Variants in RIMS2 observed in about 807,000 individuals in gnomAD.
RIMS2 encodes regulating synaptic membrane exocytosis 2, also known as regulating synaptic membrane exocytosis protein 2.
A neutral mutation model predicts 174.4 loss-of-function variants in RIMS2; 59 were observed. The observed-to-expected ratio is 0.34, with a 90% CI of 0.27 to 0.42. The LOEUF (loss-of-function observed/expected upper bound fraction) is 0.42, where lower values mean the gene tolerates loss of function less well. Among genes scored for constraint, RIMS2 ranks in the 10% least tolerant of loss-of-function variants. The pLI, the probability that RIMS2 is intolerant of heterozygous loss-of-function variation, is 1.00. For missense variants in RIMS2, 1,620 were observed against 1,666.3 expected, an observed-to-expected ratio of 0.97 and a Z score of 0.48; for synonymous variants, 606 against 572.5, an observed-to-expected ratio of 1.06 and a Z score of -0.84.
intron 19 of RIMS2, among the ~76,000 whole-genome samples, chr8:104,194,392 C>G (rs2099013218): frequency 6.6e-6 from 1 of 151,944 alleles, no homozygotes; most frequent in Non-Finnish European, 1.5e-5. Context: ...GATTTATAAT[C>G]AATGATAATT....
At chr8:103,843,806 A>T (rs1481312621) in intron 3 of RIMS2, among the ~76,000 whole-genome samples, 1 of 152,182 alleles carries the variant, frequency 6.6e-6, no homozygotes, top group African/African-American at 2.4e-5. Flanking sequence ...AGAATCTTAT[A>T]AAAATTTATG....
intron 19 of RIMS2, among the ~76,000 whole-genome samples, chr8:104,188,242 G>A (rs1411659619): frequency 7.2e-6 from 1 of 139,854 alleles, no homozygotes; most frequent in African/African-American, 2.8e-5. Flanking sequence ...TAGATAGATA[G>A]ATAGATAGAT....
intron 15 of RIMS2, among the ~76,000 whole-genome samples, chr8:103,961,674 TTC>T (rs2090140529): frequency 6.6e-6 from 1 of 152,168 alleles, no homozygotes; most frequent in Admixed American, 6.6e-5. Context: ...TTTCTGCAAG[TTC>T]TGATGACAAT....
At chr8:103,749,197 C>T (rs2139648814) in intron 2 of RIMS2, among the ~76,000 whole-genome samples, 1 of 151,764 alleles carries the variant, frequency 6.6e-6, no homozygotes, top group East Asian at 1.9e-4. Flanking sequence ...CTGCAAGCTC[C>T]GCCTCCCAGG....
chr8:104,100,864 T>C (rs1229604663), intron 19 of RIMS2, among the ~76,000 whole-genome samples: 1 of 140,968 alleles, frequency 7.1e-6, no homozygotes, highest in Non-Finnish European at 1.5e-5. Flanking sequence ...ATGTAATATA[T>C]ATTATATATG....
chr8:103,815,899 G>A (rs1376863587), intron 3 of RIMS2, among the ~76,000 whole-genome samples: 2 of 152,070 alleles, frequency 1.3e-5, no homozygotes, highest in Non-Finnish European at 2.9e-5. Flanking sequence ...AGGTGATATA[G>A]CTTATTTTAC....
At chr8:103,521,298 A>T (rs572092125) in intron 1 of RIMS2, among the ~76,000 whole-genome samples, 32 of 152,060 alleles carry the variant, frequency 2.1e-4, no homozygotes, top group Admixed American at 7.2e-4. Flanking sequence ...TAATAAAATT[A>T]AAAAAAACCA....
intron 19 of RIMS2, among the ~76,000 whole-genome samples, chr8:104,162,279 T>C (rs1044718749): frequency 6.6e-6 from 1 of 152,164 alleles, no homozygotes; most frequent in African/African-American, 2.4e-5. Flanking sequence ...TGGGAGTCAA[T>C]GCAAATAGAA....
rs183039784 is a variant in RIMS2 at position 104,165,819 on chromosome 8, A to G, written c.3335-79097A>G. 4.1e-4 allele frequency among the ~76,000 whole-genome samples: 62 copies of G among 152,286 alleles called. 1 individual carries two copies. The highest frequency in any genetic ancestry group is 1.4e-3 in the African/African-American group (57 of 41,562). ...CACTTAGATTTTTTAAAAGTATACA[A>G]ATTTCTAAATATCCATTCAATTATG... On this transcript the variant is annotated intron_variant, in intron 19 of 23. Transcript: ENST00000504942.
At chr8:104,247,380 C>A (rs957653896) in intron 20 of RIMS2, among the ~76,000 whole-genome samples, 2 of 152,162 alleles carry the variant, frequency 1.3e-5, no homozygotes, top group African/African-American at 2.4e-5. Flanking sequence ...CTTCTCACAG[C>A]ATTTTCTCTG....
At chr8:103,601,381 T>C (rs2094729252) in intron 1 of RIMS2, among the ~76,000 whole-genome samples, 1 of 152,206 alleles carries the variant, frequency 6.6e-6, no homozygotes, top group African/African-American at 2.4e-5. Flanking sequence ...TTACAATAAT[T>C]ATATCCTGTT....
At chr8:103,676,280 C>A (rs1311256600) in intron 1 of RIMS2, among the ~76,000 whole-genome samples, 1 of 152,090 alleles carries the variant, frequency 6.6e-6, no homozygotes, top group African/African-American at 2.4e-5. Context: ...ATTTTCAAAA[C>A]AATTTAGTTC....
At chr8:103,622,570 T>C (rs1022654426) in intron 1 of RIMS2, among the ~76,000 whole-genome samples, 1 of 152,184 alleles carries the variant, frequency 6.6e-6, no homozygotes, top group Non-Finnish European at 1.5e-5. Context: ...ATATACCCTA[T>C]GATTATAGCC....
At chr8:104,148,916 T>G (rs1473822547) in intron 19 of RIMS2, 68 bp downstream of exon 25, 1 of 1,479,034 alleles carries the variant, frequency 6.8e-7, no homozygotes, top group Non-Finnish European at 9.2e-7. Flanking sequence ...TTCTTTTCTC[T>G]TACTCATTTT....
chr8:103,766,561 G>A, intron 3 of RIMS2, 24 bp downstream of exon 6: 1 of 1,508,078 alleles, frequency 6.6e-7, no homozygotes, highest in South Asian at 1.2e-5. Flanking sequence ...TTAATCTTTA[G>A]GCAAATGTAT....
chr8:103,881,781 G>A (rs2099168402), intron 3 of RIMS2, among the ~76,000 whole-genome samples: 1 of 151,360 alleles, frequency 6.6e-6, no homozygotes, highest in African/African-American at 2.4e-5. Context: ...TCTATAAACT[G>A]GTTCTAATTA....
chr8:103,502,946 T>G (rs73700421), intron 1 of RIMS2, among the ~76,000 whole-genome samples: 9,079 of 151,906 alleles, frequency 0.06, 907 homozygotes, highest in African/African-American at 0.2. Flanking sequence ...AGGAAGATGT[T>G]GTAAAAGGGT....
chr8:104,047,995 G>C (rs193299223), intron 19 of RIMS2, among the ~76,000 whole-genome samples: 1 of 152,106 alleles, frequency 6.6e-6, no homozygotes, highest in East Asian at 1.9e-4. Flanking sequence ...AGATTAAGGG[G>C]TTAATTATGT....
intron 1 of RIMS2, among the ~76,000 whole-genome samples, chr8:103,528,749 A>G (rs544373438): frequency 1.3e-5 from 2 of 152,178 alleles, no homozygotes; most frequent in East Asian, 1.9e-4. Context: ...TCATTGGTCT[A>G]TATCTCTGTT....
Sources: gnomAD v4.1 joint callset for allele counts (sites outside exome capture counted in the v4.1 genomes callset) on GRCh38, gnomAD v4.1.1 for gene constraint, MANE v1.5 for transcripts, NCBI Gene and HGNC (gene_info 2026-07-23, HGNC 2026-07-21) for gene names.